MECR: variants seen among roughly 807,000 people sequenced by gnomAD.
MECR encodes mitochondrial trans-2-enoyl-CoA reductase.
A neutral mutation model predicts 49.1 loss-of-function variants in MECR; 37 were observed. The ratio of observed to expected loss-of-function variants is 0.75; its 90% CI spans 0.58 to 0.99. MECR has a LOEUF of 0.99. Ranked by LOEUF, MECR falls within the 50% of genes least tolerant of loss-of-function variation. The probability of loss-of-function intolerance (pLI) is 0.00; values close to 1 mark genes in which losing one functional copy is unlikely to be tolerated. For synonymous variants in MECR, 198 were observed against 191.1 expected, an observed-to-expected ratio of 1.04 and a Z score of -0.30; for missense variants, 470 against 479.6, an observed-to-expected ratio of 0.98 and a Z score of 0.19.
At chr1:29,202,559 G>C (rs529607164) in intron 5 of MECR, among the ~76,000 whole-genome samples, 9 of 152,320 alleles carry the variant, frequency 5.9e-5, no homozygotes, top group Non-Finnish European at 1.3e-4. Flanking sequence ...GTGAGGCCTA[G>C]AGAAACTGGA....
At chr1:29,205,324 A>G (rs867624574) in intron 4 of MECR, among the ~76,000 whole-genome samples, 2 of 151,984 alleles carry the variant, frequency 1.3e-5, no homozygotes, top group South Asian at 4.2e-4. Flanking sequence ...AGCTGGGGTC[A>G]CAGGCGCTGC....
intron 9 of MECR, among the ~76,000 whole-genome samples, chr1:29,195,257 G>A (rs1041569746): frequency 1.3e-5 from 2 of 152,142 alleles, no homozygotes; most frequent in Non-Finnish European, 2.9e-5. Flanking sequence ...CAGGTCGCTC[G>A]GAACCGCTTC....
chr1:29,197,425 G>T (rs1488237418), intron 7 of MECR, among the ~76,000 whole-genome samples: 1 of 152,172 alleles, frequency 6.6e-6, no homozygotes, highest in Non-Finnish European at 1.5e-5. Flanking sequence ...CTCAGTACCT[G>T]CTGTCTGACA....
chr1:29,194,735 G>C (rs1369450698), intron 9 of MECR, among the ~76,000 whole-genome samples: 1 of 152,226 alleles, frequency 6.6e-6, no homozygotes, highest in East Asian at 1.9e-4. Flanking sequence ...AGAAGTGAAG[G>C]CCTCGGCTGA....
the MECR span, chr1:29,168,992 T>A: frequency 6.6e-6 from 1 of 152,190 alleles, no homozygotes; most frequent in Non-Finnish European, 1.5e-5. Flanking sequence ...ATGATAAACA[T>A]CTAAGATGTG....
At chr1:29,216,248 G>A in intron 2 of MECR, 112 bp from the exon 3 acceptor site, 1 of 1,282,658 alleles carries the variant, frequency 7.8e-7, no homozygotes, top group Non-Finnish European at 1.1e-6. Flanking sequence ...TGGACTGTCT[G>A]CCTAACCAAC....
rs993140045 is a variant in MECR, at chr1:29,192,714, T to G, written c.*1308A>C. Among the ~76,000 whole-genome samples the G allele has an allele frequency of 1.3e-5, 2 of 152,104 alleles. No individual in the cohort carries two copies. The highest frequency in any genetic ancestry group is 4.8e-5 in the African/African-American group (2 of 41,424). ...GTGAAGCAAATACCAAAAAGTCACG[T>G]CAAGCTCTTCTCTCGGCCTGAATAA... On this transcript the variant is annotated 3_prime_UTR_variant, in exon 10 of 10. Transcript: ENST00000263702.
At chr1:29,206,689 C>A (rs191852784) in intron 4 of MECR, 73 bp downstream of exon 4, 42 of 1,561,282 alleles carry the variant, frequency 2.7e-5, no homozygotes, top group Middle Eastern at 1.9e-4. Context: ...GTTCTCCTGG[C>A]CTTGGGGTCA....
At chr1:29,178,580 T>G in the MECR span, among the ~76,000 whole-genome samples, 1 of 151,736 alleles carries the variant, frequency 6.6e-6, no homozygotes, top group East Asian at 2.0e-4. Context: ...ATGGTCTCGA[T>G]CTCCTGACCT....
chr1:29,201,071 C>T lies in MECR; in HGVS notation c.757-482G>A, dbSNP rs2151857402. 6.6e-6 allele frequency among the ~76,000 whole-genome samples: 1 copy of T among 152,330 alleles called. No homozygotes were observed. The highest frequency in any genetic ancestry group is 2.1e-4 in the South Asian group (1 of 4,828). On this transcript the variant is annotated intron_variant, in intron 6 of 9. Transcript: ENST00000263702. The surrounding 1 kb of genome is among the most constrained non-coding windows in gnomAD (Gnocchi z 4.3). ...TTGGCCTCCCGAAGTGCTGGGATTA[C>T]AGGCATGAGTCACCTCATCCAGCCA...
chr1:29,216,616 G>A lies in MECR; in HGVS notation c.246C>T (p.Ile82=), dbSNP rs1373550452. ...DVRVKMLAAP[I]NPSDINMIQG... ...GGATCATATTTATGTCAGATGGATT[G>A]ATAGGGGCCGCCAGCATCTTCACAC... The change falls in exon 2 of 10, where the codon ATC becomes ATT. Residue 82 remains isoleucine, a synonymous_variant. Coordinates refer to ENST00000263702, the MANE Select transcript of MECR (RefSeq NM_016011.5). The A allele has an allele frequency of 5.0e-6, 8 of 1,614,224 alleles. No individual in the cohort carries two copies. Among genetic ancestry groups the A allele is most frequent in the Non-Finnish European group, 5.9e-6 (7 of 1,180,048 alleles).
the MECR span, among the ~76,000 whole-genome samples, chr1:29,184,677 C>T: frequency 6.6e-6 from 1 of 152,066 alleles, no homozygotes; most frequent in Non-Finnish European, 1.5e-5. Flanking sequence ...TTGCTTGAAC[C>T]CAGGTGGCAG....
In MECR at chr1:29,217,482, T is replaced by G. The variant is rs540214676; in HGVS notation, c.177-797A>C. Reference sequence around the variant, plus strand: ...TGCCTGCCTCGGCCTCCTAAAGTGCTGGGATTACAGGTGTGAGCCACTGTG... The same window carrying G: ...TGCCTGCCTCGGCCTCCTAAAGTGCGGGGATTACAGGTGTGAGCCACTGTG... On this transcript the variant is annotated intron_variant, in intron 1 of 9. Coordinates refer to ENST00000263702, the MANE Select transcript of MECR (RefSeq NM_016011.5). Among the ~76,000 whole-genome samples the G allele has an allele frequency of 4.7e-4, 71 of 152,264 alleles. 1 individual carries two copies. In the South Asian group the frequency reaches 0.01, roughly 22 times the overall value.
chr1:29,205,693 G>A (rs1676404017), intron 4 of MECR, among the ~76,000 whole-genome samples: 1 of 152,036 alleles, frequency 6.6e-6, no homozygotes, highest in South Asian at 2.1e-4. Context: ...AGCCAGGCAT[G>A]GTGGCAGGCA....
chr1:29,189,755 G>A (rs1004525817), downstream of MECR, among the ~76,000 whole-genome samples: 17 of 151,982 alleles, frequency 1.1e-4, no homozygotes, highest in Non-Finnish European at 2.5e-4. Flanking sequence ...ACTGTCCTCC[G>A]GGCTACTGCT....
At chr1:29,169,618 A>G in the MECR span, 1 of 152,222 alleles carries the variant, frequency 6.6e-6, no homozygotes, top group Non-Finnish European at 1.5e-5. Flanking sequence ...CTTATATCTC[A>G]GCAATGAGAA....
Position 29,213,852 on chromosome 1 carries a change from T to C in MECR, c.406+2153A>G, listed in dbSNP as rs573832255. Among the ~76,000 whole-genome samples the C allele has an allele frequency of 2.6e-5, 4 of 152,186 alleles. No homozygotes were observed. The South Asian group carries it at 8.3e-4, about 31-fold the overall frequency. On this transcript the variant is annotated intron_variant, in intron 3 of 9. Transcript: ENST00000263702. ...TATCCATCTCATGTTGTGGGAACAATTGAGTTAATATACATGAAGTGCTTA... is the reference window on the plus strand; with the variant it reads ...TATCCATCTCATGTTGTGGGAACAACTGAGTTAATATACATGAAGTGCTTA...
At chr1:29,228,681 T>C (rs1682725001) in intron 1 of MECR, among the ~76,000 whole-genome samples, 1 of 151,354 alleles carries the variant, frequency 6.6e-6, no homozygotes, top group Admixed American at 6.6e-5. Context: ...AATAGAAGCT[T>C]TTTTTTTTCC....
intron 3 of MECR, among the ~76,000 whole-genome samples, chr1:29,209,274 TA>T (rs1553338771): frequency 6.6e-6 from 1 of 152,230 alleles, no homozygotes; most frequent in Admixed American, 6.5e-5. Flanking sequence ...ACTTTAATTT[TA>T]AAAAGTGCTA....
Sources: allele counts gnomAD v4.1 joint callset (sites outside exome capture counted in the v4.1 genomes callset), GRCh38; gene constraint gnomAD v4.1.1; non-coding constraint Gnocchi (gnomAD v3.1); transcripts MANE v1.5; gene names NCBI Gene and HGNC (gene_info 2026-07-23, HGNC 2026-07-21).